Variants in F13A1 observed in about 807,000 individuals in gnomAD.
F13A1 encodes coagulation factor XIII A chain, also known as FSF, A subunit.
F13A1 carries 47 observed loss-of-function variants against 80.1 expected under a neutral mutation model. That is an observed-to-expected ratio of 0.59 (90% CI 0.46 to 0.75). The LOEUF is 0.75. Ranked by LOEUF, F13A1 falls within the 30% of genes least tolerant of loss-of-function variation. The pLI is 0.00. For synonymous variants in F13A1, 349 were observed against 344.9 expected (o/e 1.01, Z -0.13); for missense variants, 817 against 930.4 (o/e 0.88, Z 1.59).
At chr6:6,310,958 T>C (rs1758581560) in intron 2 of F13A1, among the ~76,000 whole-genome samples, 2 of 152,184 alleles carry the variant, frequency 1.3e-5, no homozygotes, top group Admixed American at 6.5e-5. Flanking sequence ...ACTCCTTATC[T>C]TCTGAGCAGA....
At chr6:6,307,620 G>GC (rs1417162483) in intron 2 of F13A1, among the ~76,000 whole-genome samples, 3 of 152,214 alleles carry the variant, frequency 2.0e-5, no homozygotes, top group Non-Finnish European at 4.4e-5. Flanking sequence ...CCGTTTACCA[G>GC]CACCAATGGA....
rs184669742 is a variant in F13A1, at chr6:6,145,446, G to A, written c.*173C>T. On this transcript the variant is annotated 3_prime_UTR_variant, in exon 15 of 15. Coordinates refer to ENST00000264870, the MANE Select transcript of F13A1 (RefSeq NM_000129.4). ...AACTAACTTCCTTGCCGAATAGCCT[G>A]GGTTTGGAAAAGCATGTTTTTGAAA... is the stretch of plus-strand genomic sequence containing the variant. 7.3e-5 allele frequency: 57 copies of A among 778,232 alleles called. No individual in the cohort carries two copies. The East Asian group carries it at 1.3e-3, about 17-fold the overall frequency. The allele number at this position is 778,232 out of a possible 1,614,324, so 48.2% of individuals were successfully genotyped here. A position where few individuals can be genotyped will look rare whatever the true frequency, so the allele number is the denominator to read the frequency against.
At chr6:6,216,081 C>T (rs1757083004) in intron 8 of F13A1, among the ~76,000 whole-genome samples, 1 of 148,106 alleles carries the variant, frequency 6.8e-6, no homozygotes, top group African/African-American at 2.5e-5. Flanking sequence ...GAATCAATAT[C>T]GTGAAAATGG....
At chr6:6,303,286 T>G (rs1294414388) in intron 3 of F13A1, among the ~76,000 whole-genome samples, 1 of 152,214 alleles carries the variant, frequency 6.6e-6, no homozygotes, top group Non-Finnish European at 1.5e-5. Context: ...TAAGATTATT[T>G]TATACAAGTC....
chr6:6,167,757 C>A (rs972825823), intron 12 of F13A1, 139 bp from the exon 13 acceptor site: 5 of 882,748 alleles, frequency 5.7e-6, no homozygotes, highest in Admixed American at 2.0e-5. Flanking sequence ...GCAAGTGGAA[C>A]AAAGAGTCAA....
rs17141962 is a variant in F13A1 at position 6,269,473 on chromosome 6, C to G, written c.320-2664G>C. Among the ~76,000 whole-genome samples, 664 of 151,438 alleles carry G rather than the reference C, an allele frequency of 4.4e-3. 3 individuals carry two copies. The highest frequency in any genetic ancestry group is 0.015 in the African/African-American group (629 of 41,208). On this transcript the variant is annotated intron_variant, in intron 3 of 14. Transcript: ENST00000264870. ...ACCTTGAGCTGACTGATTTTTCCAT[C>G]AGGAGAACTTGTAGAAGTAAAAAAA...
intron 4 of F13A1, among the ~76,000 whole-genome samples, chr6:6,264,939 C>T (rs1395805155): frequency 6.6e-6 from 1 of 152,098 alleles, no homozygotes; most frequent in Non-Finnish European, 1.5e-5. Context: ...TAGCTTGGCG[C>T]CTTTTGCCAA....
intron 2 of F13A1, among the ~76,000 whole-genome samples, chr6:6,308,284 A>C (rs1460842449): frequency 6.6e-6 from 1 of 152,036 alleles, no homozygotes; most frequent in Non-Finnish European, 1.5e-5. Flanking sequence ...TGGCTTTCCA[A>C]AGTGCTAAGA....
intron 6 of F13A1, among the ~76,000 whole-genome samples, chr6:6,236,020 A>C (rs915822093): frequency 1.5e-4 from 23 of 152,288 alleles, no homozygotes; most frequent in Middle Eastern, 6.8e-3. Flanking sequence ...CTCAGAATAC[A>C]GTAAGGAAGC....
intron 8 of F13A1, chr6:6,206,557 TC>T: frequency 2.0e-6 from 1 of 500,780 alleles, no homozygotes. Context: ...AATGAGGGCT[TC>T]AGGCGCTCTT....
intron 3 of F13A1, among the ~76,000 whole-genome samples, chr6:6,294,291 T>C (rs762493191): frequency 1.3e-5 from 2 of 152,046 alleles, no homozygotes; most frequent in East Asian, 1.9e-4. Context: ...CCAGTGAATA[T>C]AAAGCAGGCA....
At chr6:6,262,305 C>T (rs1433606961) in intron 4 of F13A1, among the ~76,000 whole-genome samples, 3 of 152,224 alleles carry the variant, frequency 2.0e-5, no homozygotes, top group African/African-American at 7.2e-5. Flanking sequence ...ATCCTTCCTG[C>T]TCTCACCCTC....
chr6:6,150,261 A>G (rs1760350595), intron 14 of F13A1, among the ~76,000 whole-genome samples: 1 of 152,196 alleles, frequency 6.6e-6, no homozygotes, highest in South Asian at 2.1e-4. Context: ...TTGAGTGGGA[A>G]GGTGCGAGAA....
chr6:6,167,330 T>A (rs1760692369), intron 13 of F13A1, 128 bp downstream of exon 13: 2 of 48,278 alleles, frequency 4.1e-5, no homozygotes, highest in Non-Finnish European at 8.1e-5. Context: ...CTGGTATTTT[T>A]TTTTTTTTTT....
intron 6 of F13A1, among the ~76,000 whole-genome samples, chr6:6,242,867 C>T (rs896798024): frequency 1.3e-5 from 2 of 152,142 alleles, no homozygotes; most frequent in African/African-American, 4.8e-5. Flanking sequence ...CCTGGGAAAC[C>T]TTTGAGCTAC....
chr6:6,201,777 C>G (rs1761399382), intron 8 of F13A1, among the ~76,000 whole-genome samples: 1 of 152,176 alleles, frequency 6.6e-6, no homozygotes, highest in Non-Finnish European at 1.5e-5. Context: ...CTCCTGGCCT[C>G]AAGCCATCCT....
At chr6:6,242,632 C>G (rs1422939176) in intron 6 of F13A1, among the ~76,000 whole-genome samples, 1 of 152,086 alleles carries the variant, frequency 6.6e-6, no homozygotes, top group African/African-American at 2.4e-5. Flanking sequence ...ATGTTGAGAT[C>G]CTATGGAATA....
chr6:6,287,839 C>A (rs564697630), intron 3 of F13A1, among the ~76,000 whole-genome samples: 1 of 152,078 alleles, frequency 6.6e-6, no homozygotes, highest in South Asian at 2.1e-4. Context: ...TTGTCAGAGC[C>A]CCTATGTGAC....
At chr6:6,166,404 C>T (rs1760675126) in intron 13 of F13A1, among the ~76,000 whole-genome samples, 1 of 152,208 alleles carries the variant, frequency 6.6e-6, no homozygotes, top group African/African-American at 2.4e-5. Context: ...CCTCACCCTG[C>T]CCACCTCTAG....
Sources: gnomAD v4.1 joint callset for allele counts (sites outside exome capture counted in the v4.1 genomes callset) on GRCh38, gnomAD v4.1.1 for gene constraint, MANE v1.5 for transcripts, NCBI Gene and HGNC (gene_info 2026-07-23, HGNC 2026-07-21) for gene names.